The following ZNF83 variants were observed in gnomAD, a reference collection of about 807,000 sequenced individuals.
ZNF83 encodes zinc finger protein 83.
For missense variants in ZNF83, 552 were observed against 629.9 expected, an observed-to-expected ratio of 0.88 and a Z score of 1.32; for synonymous variants, 209 against 213.0, an observed-to-expected ratio of 0.98 and a Z score of 0.17.
rs191593066 is a variant in ZNF83, at chr19:52,630,357, C to T, written c.-234+4709G>A. On this transcript the variant is annotated intron_variant, in intron 2 of 2. Transcript: ENST00000301096. The stretch of plus-strand genomic sequence containing the variant: ...CCTTCTTAATCAATACGGAGGCTAC[C>T]CACTCCACATTACCTTCTTTTCAAG... Among the ~76,000 whole-genome samples, 769 of 152,242 alleles carry T rather than the reference C, an allele frequency of 5.1e-3. 4 individuals carry two copies. The highest frequency in any genetic ancestry group is 0.016 in the African/African-American group (677 of 41,532).
At position 52,618,908 on chromosome 19, in the gene ZNF83, C is replaced by G. The variant is rs776168732; in HGVS notation, c.-233-4111G>C. The G allele has an allele frequency of 1.1e-5, 17 of 1,544,086 alleles. 1 individual carries two copies. In the South Asian group the frequency reaches 1.6e-4, roughly 15 times the overall value. On this transcript the variant is annotated intron_variant, in intron 2 of 2. Coordinates refer to ENST00000301096, the Ensembl canonical transcript of ZNF83. The stretch of plus-strand genomic sequence containing the variant: ...ATGCAAAGATACACAAGGGAACATC[C>G]CCACTTCTGGAGGGAAGTTATCCTC...
rs114076803 is a variant in ZNF83 at position 52,659,490 on chromosome 19, G to A, written c.-201+1272C>T. 6.7e-3 allele frequency among the ~76,000 whole-genome samples: 1,016 copies of A among 151,902 alleles called. 11 individuals carry two copies. Among genetic ancestry groups the A allele is most frequent in the African/African-American group, 0.022 (923 of 41,410 alleles). ...GGAAACACAGCAGAACTAGCAAAAC[G>A]GAATTATCTGTGTGTCAGTGTATGT... is the stretch of plus-strand genomic sequence containing the variant. On this transcript the variant is annotated intron_variant, in intron 2 of 5. Coordinates refer to the ZNF83 transcript ENST00000594682.
chr19:52,673,688 C>T (rs1035945933), intron 1 of ZNF83, among the ~76,000 whole-genome samples: 7 of 152,044 alleles, frequency 4.6e-5, no homozygotes, highest in Admixed American at 4.6e-4. Flanking sequence ...CATGCAACTG[C>T]ACTCTAGCCT....
intron 2 of ZNF83, among the ~76,000 whole-genome samples, chr19:52,628,266 T>A (rs1280298605): frequency 6.6e-6 from 1 of 152,162 alleles, no homozygotes; most frequent in African/African-American, 2.4e-5. Context: ...CTTTGCTCCA[T>A]GAGGAAGATC....
At chr19:52,675,324 T>C (rs1026327756) in intron 1 of ZNF83, among the ~76,000 whole-genome samples, 1 of 152,194 alleles carries the variant, frequency 6.6e-6, no homozygotes, top group African/African-American at 2.4e-5. Context: ...TCCCACGACA[T>C]GTACTTAAGC....
At chr19:52,638,677 C>T (rs1008656394), upstream of ZNF83, among the ~76,000 whole-genome samples, 7 of 152,212 alleles carry the variant, frequency 4.6e-5, no homozygotes, top group Admixed American at 6.5e-5. Context: ...ATGCTGATAG[C>T]CCACAGAACC....
chr19:52,678,442 T>G (rs1298835669), intron 1 of ZNF83, among the ~76,000 whole-genome samples: 1 of 126,688 alleles, frequency 7.9e-6, no homozygotes, highest in African/African-American at 3.0e-5. Context: ...AGAGCGAGAC[T>G]TCATCTCAAA....
chr19:52,684,015 C>A (rs2061971996), intron 1 of ZNF83, among the ~76,000 whole-genome samples: 1 of 152,116 alleles, frequency 6.6e-6, no homozygotes, highest in South Asian at 2.1e-4. Context: ...AGGTGGATCA[C>A]CTGAGGTCAC....
In ZNF83 at chr19:52,671,523, A is replaced by C. The variant is rs377682337; in HGVS notation, c.-282-10680T>G. ...CAGTGGCAGGAACACTGCTCCTTGC[A>C]CCCTCAACCTCTGGTGCTCAAGCAA... On this transcript the variant is annotated intron_variant, in intron 1 of 5. Transcript: ENST00000594682. 2.6e-3 allele frequency among the ~76,000 whole-genome samples: 399 copies of C among 151,260 alleles called. 2 individuals are homozygous for C. The highest frequency in any genetic ancestry group is 4.0e-3 in the Non-Finnish European group (271 of 67,806).
chr19:52,614,527 A>T (rs1442674298), exon 3 of ZNF83: 1 of 1,601,256 alleles, frequency 6.2e-7, no homozygotes, highest in Admixed American at 1.7e-5. Flanking sequence ...CTGATTTTTA[A>T]CAGGCTGCTT....
At chr19:52,683,762 A>C (rs2061967333) in intron 1 of ZNF83, among the ~76,000 whole-genome samples, 1 of 152,126 alleles carries the variant, frequency 6.6e-6, no homozygotes, top group Admixed American at 6.6e-5. Context: ...TTAGAGTTGA[A>C]ATTTCCAGAA....
At chr19:52,651,963 T>G in intron 3 of ZNF83, 1 of 186,142 alleles carries the variant, frequency 5.4e-6, no homozygotes. Context: ...TTGACTCTAA[T>G]GTCAATTAAA....
At chr19:52,679,797 G>C (rs2061877694) in intron 1 of ZNF83, among the ~76,000 whole-genome samples, 2 of 152,074 alleles carry the variant, frequency 1.3e-5, no homozygotes, top group African/African-American at 4.8e-5. Context: ...CTGTTTTTAT[G>C]CAAACTCACT....
Position 52,660,436 on chromosome 19 carries a change from T to C in ZNF83, c.-201+326A>G, listed in dbSNP as rs147077995. ...GGATTTGAGACCAGCCTGGCCAACATGGTGAAATCCTGTCTCTATTAAAAA... is the reference window on the plus strand; with the variant it reads ...GGATTTGAGACCAGCCTGGCCAACACGGTGAAATCCTGTCTCTATTAAAAA... On this transcript the variant is annotated intron_variant, in intron 2 of 5. Coordinates refer to the ZNF83 transcript ENST00000594682. Among the ~76,000 whole-genome samples the C allele has an allele frequency of 6.0e-3, 864 of 144,652 alleles. 25 individuals are homozygous for C. Among genetic ancestry groups the C allele is most frequent in the African/African-American group, 0.023 (799 of 34,750 alleles). The allele number at this position is 144,652 out of a possible 152,430, so 94.9% of individuals were successfully genotyped here.
At chr19:52,648,818 G>A (rs754640463) in intron 3 of ZNF83, among the ~76,000 whole-genome samples, 7 of 152,118 alleles carry the variant, frequency 4.6e-5, no homozygotes, top group Non-Finnish European at 7.3e-5. Flanking sequence ...TAGTCACTAC[G>A]GAGTCTGACC....
Position 52,613,474 on chromosome 19 carries a change from A to G in ZNF83, c.1091T>C (p.Leu364Pro), listed in dbSNP as rs773241069. ...AGGTTTCTCACCGGCATGAATTATC[A>G]GATGTTGGGCAAGGTATGAATTGCG... The change falls in exon 3 of 3, where the codon CTG becomes CCG. Residue 364 changes from leucine (L) to proline (P), a missense_variant. Coordinates refer to ENST00000301096, the Ensembl canonical transcript of ZNF83. 11 of 1,612,872 alleles carry G rather than the reference A, an allele frequency of 6.8e-6. No homozygotes were observed. The highest frequency in any genetic ancestry group is 3.3e-5 in the South Asian group (3 of 90,964).
upstream of ZNF83, among the ~76,000 whole-genome samples, chr19:52,640,673 C>T (rs927339405): frequency 2.0e-5 from 3 of 152,090 alleles, no homozygotes; most frequent in African/African-American, 7.2e-5. Flanking sequence ...CCCCAGTCCA[C>T]CCCTTTACTG....
At chr19:52,616,009 T>C (rs1271879686) in intron 2 of ZNF83, among the ~76,000 whole-genome samples, 2 of 152,150 alleles carry the variant, frequency 1.3e-5, no homozygotes, top group African/African-American at 4.8e-5. Context: ...CAGCTAACTT[T>C]TGTATTTTAA....
exon 3 of ZNF83, chr19:52,613,565 T>C: frequency 6.2e-7 from 1 of 1,612,000 alleles, no homozygotes; most frequent in South Asian, 1.1e-5. Flanking sequence ...CTCCAGTGAT[T>C]TACTAGGGAT....
Sources: gnomAD v4.1 joint callset for allele counts (sites outside exome capture counted in the v4.1 genomes callset) on GRCh38, gnomAD v4.1.1 for gene constraint, MANE v1.5 for transcripts, NCBI Gene and HGNC (gene_info 2026-07-23, HGNC 2026-07-21) for gene names.